The following TRAPPC10 variants were observed in gnomAD, a reference collection of about 807,000 sequenced individuals.
TRAPPC10 encodes trafficking protein particle complex subunit 10.
A neutral mutation model predicts 125.5 loss-of-function variants in TRAPPC10; 23 were observed. That is an observed-to-expected ratio of 0.18 (90% CI 0.13 to 0.26). The LOEUF (loss-of-function observed/expected upper bound fraction) is 0.26, where lower values mean the gene tolerates loss of function less well. Among genes scored for constraint, TRAPPC10 ranks in the 10% least tolerant of loss-of-function variants. The probability of loss-of-function intolerance (pLI) is 1.00; values close to 1 mark genes in which losing one functional copy is unlikely to be tolerated. For missense variants in TRAPPC10, 1,123 were observed against 1,308.4 expected, an observed-to-expected ratio of 0.86 and a Z score of 2.19; for synonymous variants, 509 against 518.0, an observed-to-expected ratio of 0.98 and a Z score of 0.24.
intron 19 of TRAPPC10, among the ~76,000 whole-genome samples, chr21:44,092,301 A>C (rs1177182879): frequency 6.6e-6 from 1 of 152,196 alleles, no homozygotes; most frequent in African/African-American, 2.4e-5. Flanking sequence ...CTATGCGTAG[A>C]CGTGTGCAGA....
At chr21:44,047,278 G>T (rs1315292605) in intron 3 of TRAPPC10, among the ~76,000 whole-genome samples, 1 of 152,140 alleles carries the variant, frequency 6.6e-6, no homozygotes, top group Non-Finnish European at 1.5e-5. Flanking sequence ...TGCCTCCTGG[G>T]TTCAAGCGAT....
chr21:44,038,511 C>T (rs1339956823), intron 3 of TRAPPC10, among the ~76,000 whole-genome samples: 1 of 151,896 alleles, frequency 6.6e-6, no homozygotes, highest in Non-Finnish European at 1.5e-5. Context: ...CCGTGACTCT[C>T]CGTGGAACGA....
chr21:44,085,058 C>T (rs1456956734), intron 15 of TRAPPC10, among the ~76,000 whole-genome samples: 2 of 152,200 alleles, frequency 1.3e-5, no homozygotes, highest in African/African-American at 2.4e-5. Flanking sequence ...TGATCGATTA[C>T]ACCACTGGCC....
intron 4 of TRAPPC10, among the ~76,000 whole-genome samples, chr21:44,055,126 C>T (rs962467245): frequency 6.6e-6 from 1 of 152,134 alleles, no homozygotes; most frequent in Non-Finnish European, 1.5e-5. Context: ...CTCAGAGCTG[C>T]GTCTTTGGCT....
At position 44,094,207 on chromosome 21, in the gene TRAPPC10, T is replaced by A; in HGVS notation, c.3142T>A (p.Tyr1048Asn). ...GTCTATCTCCTTAAAGCCGTATACT[T>A]ATGAATTTAAAGTGGAAAATTTTTT... ...QLSISLKPYT[Y>N]EFKVENFFTL... Residue 1048 changes from tyrosine (Y) to asparagine (N), a missense_variant, in exon 20 of 23, where the codon TAT becomes AAT. Transcript: ENST00000291574. The A allele has an allele frequency of 6.2e-7, 1 of 1,611,308 alleles. No homozygotes were observed. The highest frequency in any genetic ancestry group is 2.2e-5 in the East Asian group (1 of 44,816).
chr21:44,071,432 G>A (rs921639760), intron 7 of TRAPPC10, among the ~76,000 whole-genome samples: 3 of 152,144 alleles, frequency 2.0e-5, no homozygotes, highest in Admixed American at 1.3e-4. Flanking sequence ...AATTTGTTTC[G>A]TTAACATGTC....
At chr21:44,039,939 C>A (rs2145741564) in intron 3 of TRAPPC10, among the ~76,000 whole-genome samples, 1 of 152,216 alleles carries the variant, frequency 6.6e-6, no homozygotes, top group African/African-American at 2.4e-5. Context: ...TCTTGCCTCT[C>A]ATTTATTTCT....
chr21:44,019,312 A>C (rs2032232115), intron 1 of TRAPPC10, among the ~76,000 whole-genome samples: 1 of 152,174 alleles, frequency 6.6e-6, no homozygotes, highest in African/African-American at 2.4e-5. Context: ...GGCCTCCCAA[A>C]GTGCTGGGAT....
intron 3 of TRAPPC10, 58 bp from the exon 4 acceptor site, chr21:44,052,222 C>A: frequency 7.1e-7 from 1 of 1,412,268 alleles, no homozygotes; most frequent in Non-Finnish European, 9.6e-7. Context: ...GCACATTTTG[C>A]TGTATAAACT....
intron 13 of TRAPPC10, among the ~76,000 whole-genome samples, chr21:44,081,926 G>A (rs2037776706): frequency 6.6e-6 from 1 of 152,138 alleles, no homozygotes; most frequent in African/African-American, 2.4e-5. Flanking sequence ...TTTCTCGGGA[G>A]CATCATGACG....
intron 5 of TRAPPC10, among the ~76,000 whole-genome samples, chr21:44,058,247 G>A (rs907470363): frequency 6.6e-6 from 1 of 152,198 alleles, no homozygotes; most frequent in Non-Finnish European, 1.5e-5. Context: ...TGGAGAGCAA[G>A]CCATGTGGGT....
intron 5 of TRAPPC10, 64 bp downstream of exon 5, chr21:44,055,957 TCTC>T: frequency 7.3e-7 from 1 of 1,367,576 alleles, no homozygotes. Context: ...TCCCTCCCTC[TCTC>T]CTCCTTTCTT....
intron 7 of TRAPPC10, among the ~76,000 whole-genome samples, chr21:44,067,026 G>C (rs1380674143): frequency 6.6e-6 from 1 of 152,130 alleles, no homozygotes; most frequent in African/African-American, 2.4e-5. Context: ...TGATTTTTTG[G>C]GGGGGTTTGG....
intron 13 of TRAPPC10, 25 bp downstream of exon 13, chr21:44,080,152 C>T (rs1230875169): frequency 6.3e-7 from 1 of 1,577,568 alleles, no homozygotes; most frequent in Non-Finnish European, 8.7e-7. Flanking sequence ...TACAACTTGA[C>T]TAGGAATATT....
intron 5 of TRAPPC10, among the ~76,000 whole-genome samples, chr21:44,057,977 C>T (rs2035735751): frequency 6.6e-6 from 1 of 152,228 alleles, no homozygotes; most frequent in Non-Finnish European, 1.5e-5. Flanking sequence ...AGGCAATCAC[C>T]TGTTGCCCTC....
chr21:44,056,000 C>T, intron 5 of TRAPPC10, 107 bp downstream of exon 5: 4 of 1,037,268 alleles, frequency 3.9e-6, no homozygotes, highest in African/African-American at 1.6e-5. Flanking sequence ...GTGGTAATCT[C>T]ATTGGCAGAG....
intron 3 of TRAPPC10, chr21:44,046,213 C>G (rs2145790706): frequency 5.1e-6 from 1 of 194,676 alleles, no homozygotes; most frequent in East Asian, 1.8e-4. Flanking sequence ...GCTAATTAAA[C>G]TTCTAACTTG....
chr21:44,024,633 C>A (rs1427639897), intron 1 of TRAPPC10, among the ~76,000 whole-genome samples: 1 of 152,136 alleles, frequency 6.6e-6, no homozygotes, highest in South Asian at 2.1e-4. Flanking sequence ...TGTCATAGCT[C>A]CTCTCTCTGA....
At position 44,082,764 on chromosome 21, in the gene TRAPPC10, AC is replaced by A; in HGVS notation, c.1724-23del. On this transcript the variant is annotated intron_variant, in intron 13 of 22. Coordinates refer to ENST00000291574, the MANE Select transcript of TRAPPC10 (RefSeq NM_003274.5). This position sits in a 1 kb window ranked among gnomAD's most constrained non-coding sequence, Gnocchi z 4.4. ...GTCAGGAAGTGTGACTTGGGGAGTC[AC>A]TTACGATAATGTCTATTTACAGGTC... 6.2e-7 allele frequency: 1 copy of A among 1,609,990 alleles called. No individual in the cohort carries two copies. The highest frequency in any genetic ancestry group is 8.5e-7 in the Non-Finnish European group (1 of 1,176,988).
Sources: gnomAD v4.1 joint callset for allele counts (sites outside exome capture counted in the v4.1 genomes callset) on GRCh38, gnomAD v4.1.1 for gene constraint, Gnocchi (gnomAD v3.1) non-coding constraint, MANE v1.5 for transcripts, NCBI Gene and HGNC (gene_info 2026-07-23, HGNC 2026-07-21) for gene names.